PPP1R36: variants seen among roughly 807,000 people sequenced by gnomAD.
PPP1R36 encodes the protein chromosome 14 open reading frame 50.
Under a neutral mutation model 53.4 loss-of-function variants are expected in PPP1R36, and 47 were observed. The observed-to-expected ratio is 0.88, with a 90% CI of 0.70 to 1.12. PPP1R36 has a LOEUF of 1.12. Among genes scored for constraint, PPP1R36 ranks in the 50% most tolerant of loss-of-function variants. The pLI, the probability that PPP1R36 is intolerant of heterozygous loss-of-function variation, is 0.00. For missense variants in PPP1R36, 456 were observed against 513.9 expected (o/e 0.89, Z 1.09); for synonymous variants, 153 against 170.5 (o/e 0.90, Z 0.80).
chr14:64,569,222 C>T (rs949646116), intron 7 of PPP1R36, among the ~76,000 whole-genome samples: 1 of 152,166 alleles, frequency 6.6e-6, no homozygotes, highest in Non-Finnish European at 1.5e-5. Context: ...GCCTCTCAGC[C>T]TTGGTGACCT....
At chr14:64,577,059 G>T (rs2080347221) in intron 8 of PPP1R36, among the ~76,000 whole-genome samples, 1 of 152,184 alleles carries the variant, frequency 6.6e-6, no homozygotes, top group Non-Finnish European at 1.5e-5. Flanking sequence ...TCTACAGGCT[G>T]CAGGTCTAAG....
At chr14:64,573,927 A>G (rs1431482959) in intron 7 of PPP1R36, among the ~76,000 whole-genome samples, 2 of 149,336 alleles carry the variant, frequency 1.3e-5, no homozygotes, top group Non-Finnish European at 3.0e-5. Context: ...AAAAAAAAAA[A>G]AAAAAAAAAA....
At chr14:64,569,116 T>G (rs1171471404) in intron 7 of PPP1R36, among the ~76,000 whole-genome samples, 1 of 152,198 alleles carries the variant, frequency 6.6e-6, no homozygotes, top group African/African-American at 2.4e-5. Flanking sequence ...TTAGGCTACT[T>G]ATAAAGAATT....
chr14:64,562,351 C>T (rs970476467), intron 3 of PPP1R36, among the ~76,000 whole-genome samples: 19 of 152,054 alleles, frequency 1.2e-4, no homozygotes, highest in African/African-American at 4.6e-4. Flanking sequence ...ATCCCAGCTA[C>T]TTTGGAGGCT....
intron 3 of PPP1R36, among the ~76,000 whole-genome samples, chr14:64,553,218 G>A (rs1383211094): frequency 6.6e-6 from 1 of 152,154 alleles, no homozygotes; most frequent in African/African-American, 2.4e-5. Flanking sequence ...GCCTCCCAAA[G>A]TGCTGGGACT....
At chr14:64,575,464 T>C (rs1394542352) in intron 8 of PPP1R36, among the ~76,000 whole-genome samples, 1 of 152,100 alleles carries the variant, frequency 6.6e-6, no homozygotes, top group Non-Finnish European at 1.5e-5. Context: ...GCTTAACCAT[T>C]CTTTTTGTGT....
intron 11 of PPP1R36, chr14:64,588,555 A>ATTTTT (rs34440209): frequency 2.7e-5 from 4 of 149,820 alleles, no homozygotes; most frequent in Non-Finnish European, 4.8e-5. Context: ...TGAGTAACTG[A>ATTTTT]TTTTTTTTTT....
At chr14:64,550,776 C>T (rs376045049) in intron 1 of PPP1R36, 145 bp from the exon 2 acceptor site, 1 of 609,116 alleles carries the variant, frequency 1.6e-6, no homozygotes. Flanking sequence ...TAAAGAGGGA[C>T]TAGTAGGAAC....
chr14:64,553,939 C>T (rs1835010967), intron 3 of PPP1R36, among the ~76,000 whole-genome samples: 1 of 151,640 alleles, frequency 6.6e-6, no homozygotes, highest in South Asian at 2.1e-4. Flanking sequence ...TCGGGGTGAG[C>T]CAGCCTGTTT....
At chr14:64,570,409 G>A (rs1216578231) in intron 7 of PPP1R36, among the ~76,000 whole-genome samples, 1 of 152,092 alleles carries the variant, frequency 6.6e-6, no homozygotes, top group African/African-American at 2.4e-5. Context: ...TTGAACCTGG[G>A]AGGCAGAGGT....
At chr14:64,564,631 C>T (rs2080234122) in intron 3 of PPP1R36, 120 bp from the exon 4 acceptor site, 1 of 632,290 alleles carries the variant, frequency 1.6e-6, no homozygotes, top group South Asian at 2.0e-5. Context: ...GAATTGAACA[C>T]TGCTGTGTCT....
chr14:64,564,247 G>C (rs2080230868), intron 3 of PPP1R36, among the ~76,000 whole-genome samples: 1 of 152,212 alleles, frequency 6.6e-6, no homozygotes, highest in Admixed American at 6.5e-5. Context: ...TGGTGGCTCA[G>C]TACTTGGCTC....
rs772820354 is a variant in PPP1R36 at position 64,568,362 on chromosome 14, G to A, written c.448G>A (p.Asp150Asn). 2 of 1,495,144 alleles carry A rather than the reference G, an allele frequency of 1.3e-6. No individual in the cohort carries two copies. The allele number at this position is 1,495,144 out of a possible 1,614,324, so 92.6% of individuals were successfully genotyped here. A position where few individuals can be genotyped will look rare whatever the true frequency, so the allele number is the denominator to read the frequency against. ...ATCTCCCCATAGGAATAAGAATCTTGATAATTTCCTCATGGCATTATTGTA... is the reference window on the plus strand; with the variant it reads ...ATCTCCCCATAGGAATAAGAATCTTAATAATTTCCTCATGGCATTATTGTA... ...FTTFMRNKNL[D>N]NFLMALLYYL... The change falls in exon 7 of 12, where the codon GAT becomes AAT. Residue 150 changes from aspartate (D) to asparagine (N), a missense_variant. Asp to Asn is a conservative substitution (Grantham distance 23, BLOSUM62 1). Coordinates refer to ENST00000298705, the MANE Select transcript of PPP1R36 (RefSeq NM_172365.3).
intron 6 of PPP1R36, 57 bp from the exon 7 acceptor site, chr14:64,568,292 T>G: frequency 1.5e-6 from 1 of 665,242 alleles, no homozygotes; most frequent in South Asian, 2.6e-5. Context: ...TGAGAAATCT[T>G]ACATTTGAAA....
chr14:64,565,255 G>A (rs1225216216), intron 4 of PPP1R36, 102 bp from the exon 5 acceptor site: 3 of 711,016 alleles, frequency 4.2e-6, no homozygotes, highest in Non-Finnish European at 7.0e-6. Flanking sequence ...TGACACTCAG[G>A]CTCTTATTAC....
At chr14:64,585,156 G>C (rs1373565022) in intron 8 of PPP1R36, among the ~76,000 whole-genome samples, 1 of 152,152 alleles carries the variant, frequency 6.6e-6, no homozygotes, top group Non-Finnish European at 1.5e-5. Flanking sequence ...GTTCAGGATG[G>C]TTCTGGAGAG....
Position 64,568,396 on chromosome 14 carries a change from C to A in PPP1R36, c.482C>A (p.Ser161Tyr). 6.4e-7 allele frequency: 1 copy of A among 1,567,796 alleles called. No individual in the cohort carries two copies. Among genetic ancestry groups the A allele is most frequent in the Non-Finnish European group, 8.7e-7 (1 of 1,150,628 alleles). Reference protein sequence around the residue: ...NFLMALLYYLSHYLEKNSLEK... With the variant: ...NFLMALLYYLYHYLEKNSLEK... ...CTCATGGCATTATTGTACTACTTAT[C>A]CCATTACTTGGAAAAAAACTCACTG... is the stretch of plus-strand genomic sequence containing the variant. Residue 161 changes from serine to tyrosine, a missense_variant, in exon 7 of 12, where the codon TCC becomes TAC. Transcript: ENST00000298705.
chr14:64,552,372 C>A (rs1218057252), intron 2 of PPP1R36, among the ~76,000 whole-genome samples: 2 of 152,168 alleles, frequency 1.3e-5, no homozygotes, highest in Admixed American at 1.3e-4. Flanking sequence ...ACCTGTAATC[C>A]CAGCTACTTG....
chr14:64,575,297 A>C (rs1377559234), intron 8 of PPP1R36, among the ~76,000 whole-genome samples: 4 of 152,068 alleles, frequency 2.6e-5, no homozygotes, highest in Non-Finnish European at 5.9e-5. Flanking sequence ...CATTCTCCAC[A>C]TTTTCAAAGA....
Sources: gnomAD v4.1 joint callset for allele counts (sites outside exome capture counted in the v4.1 genomes callset) on GRCh38, gnomAD v4.1.1 for gene constraint, MANE v1.5 for transcripts, NCBI Gene and HGNC (gene_info 2026-07-23, HGNC 2026-07-21) for gene names.